POU2F1: variants seen among roughly 807,000 people sequenced by gnomAD.
POU2F1 encodes the protein POU domain, class 2, transcription factor 1.
POU2F1 carries 16 observed loss-of-function variants against 84.9 expected under a neutral mutation model. The ratio of observed to expected loss-of-function variants is 0.19; its 90% CI spans 0.13 to 0.29. The LOEUF (loss-of-function observed/expected upper bound fraction) is 0.29, where lower values mean the gene tolerates loss of function less well. Ranked by LOEUF, POU2F1 falls within the 10% of genes least tolerant of loss-of-function variation. POU2F1 has a pLI of 1.00. For missense variants in POU2F1, 738 were observed against 942.6 expected (o/e 0.78, Z 2.84); for synonymous variants, 368 against 368.3 (o/e 1.00, Z 0.01).
intron 1 of POU2F1, among the ~76,000 whole-genome samples, chr1:167,331,348 G>T (rs571372292): frequency 1.3e-5 from 2 of 152,004 alleles, no homozygotes; most frequent in Non-Finnish European, 2.9e-5. Flanking sequence ...ACATGGTTGA[G>T]AATTCTGTCT....
In POU2F1 at chr1:167,412,319, C is replaced by T. The variant is rs559562939; in HGVS notation, c.1901+15C>T. 1.3e-6 allele frequency: 2 copies of T among 1,517,118 alleles called. No individual in the cohort carries two copies. Among genetic ancestry groups the T allele is most frequent in the Admixed American group, 2.0e-5 (1 of 49,656 alleles). The allele number at this position is 1,517,118 out of a possible 1,614,324, so 94.0% of individuals were successfully genotyped here. ...TTTGCGGCTGGGTAAGGCGCTTTCT[C>T]ATCTCATTCACGTCTGAGGTGGAGG... On this transcript the variant is annotated intron_variant, in intron 14 of 15. Transcript: ENST00000367866.
rs773206440 is a variant in POU2F1, at chr1:167,427,218, G to A, written c.*11408G>A. On this transcript the variant is annotated 3_prime_UTR_variant, in exon 16 of 16. Transcript: ENST00000367866. Reference sequence around the variant, plus strand: ...GTAGGTGACAGTGAATCAGAATGAAGTGGTAGATTTTGTGTAGATGCATTT... The same window carrying A: ...GTAGGTGACAGTGAATCAGAATGAAATGGTAGATTTTGTGTAGATGCATTT... 6.6e-6 allele frequency: 1 copy of A among 152,120 alleles called. No individual in the cohort carries two copies. The highest frequency in any genetic ancestry group is 1.5e-5 in the Non-Finnish European group (1 of 68,016). The allele number at this position is 152,120 out of a possible 1,614,324, so 9.4% of individuals were successfully genotyped here.
chr1:167,299,616 C>T (rs1654518603), intron 1 of POU2F1, among the ~76,000 whole-genome samples: 1 of 151,784 alleles, frequency 6.6e-6, no homozygotes. Context: ...GAATGACAGA[C>T]ACACTGAACT....
intron 1 of POU2F1, among the ~76,000 whole-genome samples, chr1:167,234,244 G>A (rs550785943): frequency 3.1e-4 from 47 of 152,178 alleles, no homozygotes; most frequent in Non-Finnish European, 6.0e-4. Context: ...TCCAGATTGT[G>A]TGCTCTAGAA....
chr1:167,265,646 T>G (rs532751526), intron 1 of POU2F1, among the ~76,000 whole-genome samples: 43 of 152,314 alleles, frequency 2.8e-4, no homozygotes, highest in African/African-American at 1.0e-3. Context: ...TGAGGAGTAC[T>G]CTTAGGGTTG....
chr1:167,295,662 A>G (rs1654244211), intron 1 of POU2F1, among the ~76,000 whole-genome samples: 2 of 152,220 alleles, frequency 1.3e-5, no homozygotes, highest in African/African-American at 4.8e-5. Flanking sequence ...TTTAAAAGAC[A>G]TTTTAGCCGT....
chr1:167,306,637 GTC>G (rs370238891), intron 1 of POU2F1, among the ~76,000 whole-genome samples: 257 of 152,200 alleles, frequency 1.7e-3, no homozygotes, highest in African/African-American at 6.0e-3. Flanking sequence ...GAAATTTATT[GTC>G]TCTCAGTTCT....
intron 1 of POU2F1, among the ~76,000 whole-genome samples, chr1:167,264,065 T>C (rs539138586): frequency 1.3e-5 from 2 of 152,314 alleles, no homozygotes; most frequent in South Asian, 2.1e-4. Flanking sequence ...TATTAACCAC[T>C]ATATATAGTA....
chr1:167,279,691 C>G (rs1652981248), intron 1 of POU2F1, among the ~76,000 whole-genome samples: 1 of 152,018 alleles, frequency 6.6e-6, no homozygotes, highest in Non-Finnish European at 1.5e-5. Context: ...GCACTCCAGC[C>G]TGGGCCTCAG....
intron 1 of POU2F1, among the ~76,000 whole-genome samples, chr1:167,221,883 C>T (rs1008522012): frequency 2.3e-4 from 35 of 151,892 alleles, no homozygotes; most frequent in Non-Finnish European, 4.3e-4. Flanking sequence ...GAGGGGATGT[C>T]CTCTGGGGCG....
chr1:167,297,312 C>G (rs1654350201), intron 1 of POU2F1, among the ~76,000 whole-genome samples: 1 of 152,172 alleles, frequency 6.6e-6, no homozygotes, highest in Non-Finnish European at 1.5e-5. Context: ...TTGGAACTGG[C>G]TGAAATACAA....
chr1:167,232,162 A>G (rs927703325), intron 1 of POU2F1, among the ~76,000 whole-genome samples: 1 of 152,164 alleles, frequency 6.6e-6, no homozygotes, highest in Admixed American at 6.5e-5. Context: ...TTTAATTTGC[A>G]TGTGATTGAA....
chr1:167,308,481 A>G (rs1274099183), intron 1 of POU2F1, among the ~76,000 whole-genome samples: 2 of 152,094 alleles, frequency 1.3e-5, no homozygotes, highest in Admixed American at 6.6e-5. Flanking sequence ...GGGAAACTGT[A>G]AATTTTCATC....
At chr1:167,409,620 G>A (rs1413704907) in intron 13 of POU2F1, among the ~76,000 whole-genome samples, 2 of 152,120 alleles carry the variant, frequency 1.3e-5, no homozygotes, top group Admixed American at 1.3e-4. Context: ...GAACAATTTT[G>A]AATGCTTCTG....
intron 1 of POU2F1, among the ~76,000 whole-genome samples, chr1:167,263,754 C>A (rs1651745526): frequency 6.6e-6 from 1 of 152,214 alleles, no homozygotes; most frequent in African/African-American, 2.4e-5. Flanking sequence ...ACTCTACTCT[C>A]TGGCTGTTTC....
At chr1:167,312,120 T>C (rs891118645) in intron 1 of POU2F1, among the ~76,000 whole-genome samples, 25 of 150,978 alleles carry the variant, frequency 1.7e-4, no homozygotes, top group African/African-American at 6.1e-4. Context: ...ATTTTTTAAA[T>C]AGAGATGGGG....
intron 1 of POU2F1, among the ~76,000 whole-genome samples, chr1:167,247,678 T>C (rs996981286): frequency 3.9e-5 from 6 of 152,202 alleles, no homozygotes; most frequent in Admixed American, 3.3e-4. Context: ...AACTTTGGTG[T>C]AGGAATTCTG....
intron 1 of POU2F1, among the ~76,000 whole-genome samples, chr1:167,252,947 A>C (rs1389359523): frequency 6.6e-6 from 1 of 152,214 alleles, no homozygotes; most frequent in Non-Finnish European, 1.5e-5. Context: ...AGAAGCTTTG[A>C]ACACTGTTGA....
At chr1:167,227,591 C>G (rs1648734083) in intron 1 of POU2F1, among the ~76,000 whole-genome samples, 1 of 152,086 alleles carries the variant, frequency 6.6e-6, no homozygotes, top group African/African-American at 2.4e-5. Context: ...CCTTTTTTGG[C>G]TGATTCATAC....
Sources: allele counts gnomAD v4.1 joint callset (sites outside exome capture counted in the v4.1 genomes callset), GRCh38; gene constraint gnomAD v4.1.1; transcripts MANE v1.5; gene names NCBI Gene and HGNC (gene_info 2026-07-23, HGNC 2026-07-21).